LIFR: variants seen among roughly 807,000 people sequenced by gnomAD.
LIFR encodes leukemia inhibitory factor receptor.
In LIFR, 84 loss-of-function variants were observed where a neutral mutation model predicts 122.2. That is an observed-to-expected ratio of 0.69 (90% CI 0.58 to 0.82). The LOEUF is 0.82. Among genes scored for constraint, LIFR ranks in the 40% least tolerant of loss-of-function variants. The pLI is 0.00. For missense variants in LIFR, 1,294 were observed against 1,311.6 expected (o/e 0.99, Z 0.21); for synonymous variants, 422 against 434.7 (o/e 0.97, Z 0.36).
intron 6 of LIFR, 117 bp downstream of exon 6, chr5:38,511,673 G>A (rs1378468526): frequency 1.0e-6 from 1 of 977,104 alleles, no homozygotes; most frequent in Admixed American, 1.9e-5. Flanking sequence ...GACGCTCCCA[G>A]GTAATCCTCA....
At chr5:38,490,410 T>C (rs1173751600) in intron 14 of LIFR, 119 bp from the exon 15 acceptor site, 3 of 497,218 alleles carry the variant, frequency 6.0e-6, no homozygotes, top group African/African-American at 2.0e-5. Flanking sequence ...AGATGTTTTC[T>C]TATTAAAAAA....
chr5:38,505,051 A>G (rs181408115), intron 9 of LIFR, among the ~76,000 whole-genome samples: 34 of 152,264 alleles, frequency 2.2e-4, no homozygotes, highest in Admixed American at 2.0e-3. Context: ...AAGACCAAGC[A>G]CATTTTATTT....
chr5:38,569,558 G>C (rs559963884), intron 1 of LIFR, among the ~76,000 whole-genome samples: 3 of 152,156 alleles, frequency 2.0e-5, no homozygotes, highest in Admixed American at 2.0e-4. Flanking sequence ...TCTAATGCCC[G>C]ATGTGATCTG....
rs1743806795 is a variant in LIFR, at chr5:38,478,057, A to G, written c.*3538T>C. The G allele has an allele frequency of 2.4e-5, 5 of 209,672 alleles. No homozygotes were observed. The East Asian group carries it at 3.6e-4, about 15-fold the overall frequency. The allele number at this position is 209,672 out of a possible 1,614,324, so 13.0% of individuals were successfully genotyped here. On this transcript the variant is annotated 3_prime_UTR_variant, in exon 20 of 20. Coordinates refer to ENST00000453190, the MANE Select transcript of LIFR (RefSeq NM_001127671.2). The stretch of plus-strand genomic sequence containing the variant: ...AGTATTTTACTTTCAAAATACCATA[A>G]AATTGATTTTAAATTCCCTTTGGAA...
chr5:38,494,446 C>T, intron 13 of LIFR, among the ~76,000 whole-genome samples: 1 of 65,662 alleles, frequency 1.5e-5, no homozygotes, highest in Admixed American at 1.8e-4. Context: ...TAGGAGACAC[C>T]AAGGGGCAAG....
At chr5:38,495,599 G>A (rs1744836087) in intron 13 of LIFR, among the ~76,000 whole-genome samples, 1 of 152,184 alleles carries the variant, frequency 6.6e-6, no homozygotes, top group African/African-American at 2.4e-5. Flanking sequence ...GCTACTTAGA[G>A]GACCCTAACT....
chr5:38,540,964 T>C (rs1183423855), intron 1 of LIFR, among the ~76,000 whole-genome samples: 1 of 152,202 alleles, frequency 6.6e-6, no homozygotes. Context: ...GACCAAAATG[T>C]GCCTGAATGC....
At chr5:38,486,349 T>G (rs1237029376) in intron 16 of LIFR, among the ~76,000 whole-genome samples, 4 of 152,152 alleles carry the variant, frequency 2.6e-5, no homozygotes, top group Non-Finnish European at 2.9e-5. Flanking sequence ...CAAAAGCCAC[T>G]TAGGCTGAGC....
rs1307219950 is a variant in LIFR, at chr5:38,527,283, C to G, written c.269G>C (p.Cys90Ser). The change falls in exon 4 of 20, where the codon TGT (cysteine) becomes TCT (serine). Residue 90 changes from cysteine to serine, a missense_variant. By Grantham distance (112) the Cys-to-Ser change is moderately radical. Coordinates refer to ENST00000453190, the MANE Select transcript of LIFR (RefSeq NM_001127671.2). ...AATACTGGTTTTCTCCAACTGATAA[C>G]AAGAACGGGACCTGTAATAAGAAAT... ...EVCIENRSRSCYQLEKTSIKI... is the reference protein window; with the variant it reads ...EVCIENRSRSSYQLEKTSIKI... The G allele has an allele frequency of 2.5e-6, 4 of 1,578,658 alleles. No individual in the cohort carries two copies. The highest frequency in any genetic ancestry group is 1.7e-6 in the Non-Finnish European group (2 of 1,148,808).
chr5:38,539,371 A>T (rs1747463102), intron 1 of LIFR, among the ~76,000 whole-genome samples: 1 of 152,078 alleles, frequency 6.6e-6, no homozygotes, highest in Admixed American at 6.6e-5. Context: ...TATGGAAATC[A>T]TTCTCTCCCT....
At chr5:38,489,739 TC>T (rs1934351721) in intron 15 of LIFR, among the ~76,000 whole-genome samples, 1 of 151,426 alleles carries the variant, frequency 6.6e-6, no homozygotes, top group Admixed American at 6.6e-5. Flanking sequence ...ATGCCTGTAA[TC>T]CCAGCACTTT....
At chr5:38,498,651 A>C (rs1745014242) in intron 12 of LIFR, among the ~76,000 whole-genome samples, 1 of 152,202 alleles carries the variant, frequency 6.6e-6, no homozygotes, top group Admixed American at 6.5e-5. Context: ...TTTAGTCTTA[A>C]GTTTTCGTCT....
intron 4 of LIFR, among the ~76,000 whole-genome samples, chr5:38,525,793 T>C (rs116790304): frequency 0.013 from 1,997 of 152,282 alleles, 46 homozygotes; most frequent in African/African-American, 0.045. Context: ...AGCAAGAGGC[T>C]TCCAAGAACA....
chr5:38,494,601 G>A (rs1241985466), intron 13 of LIFR, among the ~76,000 whole-genome samples: 2 of 152,136 alleles, frequency 1.3e-5, no homozygotes, highest in Non-Finnish European at 1.5e-5. Flanking sequence ...TAGAAGATAG[G>A]GCAGTGTGGT....
chr5:38,592,688 G>A (rs61695558), intron 1 of LIFR, among the ~76,000 whole-genome samples: 5 of 150,230 alleles, frequency 3.3e-5, no homozygotes, highest in South Asian at 2.1e-4. Flanking sequence ...TACGTGAGAC[G>A]GCACCATATG....
At position 38,481,568 on chromosome 5, in the gene LIFR, GCTGA is replaced by G; in HGVS notation, c.*23_*26del. On this transcript the variant is annotated 3_prime_UTR_variant, in exon 20 of 20. Transcript: ENST00000453190. ...CTAGCAGTAAGAGCTTATTGAGATG[GCTGA>G]CTGAAGTGACACGGTGACACTGTTA... is the stretch of plus-strand genomic sequence containing the variant. 6.2e-7 allele frequency: 1 copy of G among 1,613,330 alleles called. No homozygotes were observed. Among genetic ancestry groups the G allele is most frequent in the Non-Finnish European group, 8.5e-7 (1 of 1,179,324 alleles).
intron 1 of LIFR, among the ~76,000 whole-genome samples, chr5:38,607,441 A>G (rs11746816): frequency 6.6e-6 from 1 of 152,106 alleles, no homozygotes; most frequent in Non-Finnish European, 1.5e-5. Flanking sequence ...TCAATATTCA[A>G]CATAGCTCTC....
intron 13 of LIFR, among the ~76,000 whole-genome samples, chr5:38,494,603 C>T (rs1217136172): frequency 1.3e-5 from 2 of 152,054 alleles, no homozygotes; most frequent in African/African-American, 2.4e-5. Context: ...GAAGATAGGG[C>T]AGTGTGGTCA....
In LIFR at chr5:38,594,498, G is replaced by T. The variant is rs1461500503; in HGVS notation, c.-20+763C>A. 1.3e-5 allele frequency among the ~76,000 whole-genome samples: 2 copies of T among 152,118 alleles called. 1 individual carries two copies. The highest frequency in any genetic ancestry group is 2.9e-5 in the Non-Finnish European group (2 of 68,026). ...TATTGATTCATCAATTGCAACAAATGTACCACACTAACATAAGATGTTACT... is the reference window on the plus strand; with the variant it reads ...TATTGATTCATCAATTGCAACAAATTTACCACACTAACATAAGATGTTACT... On this transcript the variant is annotated intron_variant, in intron 1 of 19. Transcript: ENST00000263409.
Sources: allele counts gnomAD v4.1 joint callset (sites outside exome capture counted in the v4.1 genomes callset), GRCh38; gene constraint gnomAD v4.1.1; transcripts MANE v1.5; gene names NCBI Gene and HGNC (gene_info 2026-07-23, HGNC 2026-07-21).